The following KAZN variants were observed in gnomAD, a reference collection of about 807,000 sequenced individuals.
KAZN encodes kazrin.
In KAZN, 40 loss-of-function variants were observed where a neutral mutation model predicts 87.4. That is an observed-to-expected ratio of 0.46 (90% CI 0.36 to 0.60). The LOEUF (loss-of-function observed/expected upper bound fraction) is 0.60, where lower values mean the gene tolerates loss of function less well. Ranked by LOEUF, KAZN falls within the 20% of genes least tolerant of loss-of-function variation. The probability of loss-of-function intolerance (pLI) is 0.00; values close to 1 mark genes in which losing one functional copy is unlikely to be tolerated. For synonymous variants in KAZN, 466 were observed against 458.3 expected, an observed-to-expected ratio of 1.02 and a Z score of -0.22; for missense variants, 898 against 1,073.9, an observed-to-expected ratio of 0.84 and a Z score of 2.29.
intron 2 of KAZN, among the ~76,000 whole-genome samples, chr1:14,530,502 T>A (rs1425161493): frequency 1.3e-5 from 2 of 151,694 alleles, no homozygotes; most frequent in African/African-American, 4.8e-5. Context: ...TGGTGGGAGG[T>A]GTTTTGGTCA....
intron 1 of KAZN, among the ~76,000 whole-genome samples, chr1:14,096,653 G>A (rs1048393885): frequency 6.6e-6 from 1 of 152,188 alleles, no homozygotes; most frequent in Admixed American, 6.5e-5. Context: ...ACAACCCTCA[G>A]AATATAGGAG....
chr1:14,560,905 GAAGTTGGATGGTACCT>G (rs991117926), intron 2 of KAZN, among the ~76,000 whole-genome samples: 10 of 152,178 alleles, frequency 6.6e-5, no homozygotes, highest in African/African-American at 2.4e-4. Context: ...GCAAGAACAG[GAAGTTGGATGGTACCT>G]AAGGCAGTTC....
At chr1:14,171,062 G>A (rs2359953) in intron 1 of KAZN, among the ~76,000 whole-genome samples, 18,721 of 152,124 alleles carry the variant, frequency 0.12, 1,273 homozygotes, top group East Asian at 0.33. Context: ...TTTTGTGTCC[G>A]GTTTTCATTT....
At chr1:14,876,062 G>A (rs1652733103) in intron 1 of KAZN, among the ~76,000 whole-genome samples, 1 of 152,232 alleles carries the variant, frequency 6.6e-6, no homozygotes, top group South Asian at 2.1e-4. Flanking sequence ...ACTGAGGCAA[G>A]GAGGAAGAAG....
At chr1:15,018,504 C>T (rs1670349927) in intron 2 of KAZN, among the ~76,000 whole-genome samples, 1 of 151,172 alleles carries the variant, frequency 6.6e-6, no homozygotes, top group African/African-American at 2.4e-5. Context: ...CTGTCTGCAG[C>T]CGTCATGGGG....
chr1:14,671,351 G>A (rs1446738669), intron 1 of KAZN, among the ~76,000 whole-genome samples: 2 of 152,248 alleles, frequency 1.3e-5, no homozygotes, highest in East Asian at 1.9e-4. Context: ...CATAGTAGGT[G>A]CTCAGTAAAT....
intron 1 of KAZN, among the ~76,000 whole-genome samples, chr1:14,662,734 G>C (rs1012171297): frequency 6.6e-6 from 1 of 151,358 alleles, no homozygotes; most frequent in African/African-American, 2.4e-5. Flanking sequence ...AGTGTGTGTT[G>C]GGGAAGGGAG....
chr1:13,953,517 C>T (rs570136667), intron 1 of KAZN, among the ~76,000 whole-genome samples: 1 of 152,314 alleles, frequency 6.6e-6, no homozygotes, highest in South Asian at 2.1e-4. Context: ...ATTTCTCCCA[C>T]CAGCCCTTTT....
At chr1:14,517,869 A>T (rs531364571) in intron 2 of KAZN, among the ~76,000 whole-genome samples, 1 of 152,334 alleles carries the variant, frequency 6.6e-6, no homozygotes, top group African/African-American at 2.4e-5. Context: ...CCATAAAACA[A>T]AGCAGAAGAA....
At chr1:14,136,655 C>T (rs1042558881) in intron 1 of KAZN, among the ~76,000 whole-genome samples, 7 of 151,914 alleles carry the variant, frequency 4.6e-5, no homozygotes, top group Non-Finnish European at 8.8e-5. Flanking sequence ...AGATAACTAA[C>T]CCAGGAGGGA....
intron 1 of KAZN, among the ~76,000 whole-genome samples, chr1:14,774,258 G>A (rs1009874696): frequency 3.9e-5 from 6 of 152,056 alleles, no homozygotes; most frequent in Non-Finnish European, 8.8e-5. Context: ...TGGCAGGGTC[G>A]CCTCTGTGGG....
chr1:14,609,940 A>G (rs1484948552), intron 1 of KAZN, among the ~76,000 whole-genome samples: 1 of 152,230 alleles, frequency 6.6e-6, no homozygotes, highest in Non-Finnish European at 1.5e-5. Flanking sequence ...GAACTGCCCC[A>G]TAGCTCATGG....
chr1:15,094,875 C>G lies in KAZN; in HGVS notation c.1489C>G (p.His497Asp). 1 of 1,550,684 alleles carries G rather than the reference C, an allele frequency of 6.4e-7. No homozygotes were observed. The highest frequency in any genetic ancestry group is 8.7e-7 in the Non-Finnish European group (1 of 1,146,818). The change falls in exon 10 of 15, where the codon CAC becomes GAC. Residue 497 changes from histidine (H) to aspartate (D), a missense_variant. This residue lies in a region of KAZN where 521 missense variants were observed against 689.4 expected (regional missense o/e 0.76). Coordinates refer to ENST00000376030, the MANE Select transcript of KAZN (RefSeq NM_201628.3). The surrounding 1 kb of genome is among the most constrained non-coding windows in gnomAD (Gnocchi z 4.5). The part of the protein sequence containing the change: ...QLGLGVCSSL[H>D]RRKLRLAIED... ...GGGCCTTGGGGTGTGCAGCTCCCTGCACCGGCGCAAGCTGCGCCTGGCCAT... is the reference window on the plus strand; with the variant it reads ...GGGCCTTGGGGTGTGCAGCTCCCTGGACCGGCGCAAGCTGCGCCTGGCCAT...
intron 1 of KAZN, among the ~76,000 whole-genome samples, chr1:13,929,747 A>G (rs540901563): frequency 3.3e-5 from 5 of 152,198 alleles, no homozygotes; most frequent in Non-Finnish European, 7.4e-5. Flanking sequence ...TTTTCTGGGA[A>G]AAGATCCAAT....
chr1:14,537,181 G>C lies in KAZN; in HGVS notation c.250-61802G>C, dbSNP rs184502962. Among the ~76,000 whole-genome samples the C allele has an allele frequency of 2.4e-3, 372 of 152,288 alleles. 1 individual carries two copies. Among genetic ancestry groups the C allele is most frequent in the African/African-American group, 7.4e-3 (307 of 41,560 alleles). On this transcript the variant is annotated intron_variant, in intron 2 of 16. Transcript: ENST00000636203. ...ACCGTCCACAGAGCCTGAATTTTGA[G>C]ACAGTTCCTAAATCAAGATGTTTCC... is the stretch of plus-strand genomic sequence containing the variant.
chr1:15,065,647 A>C lies in KAZN; in HGVS notation c.1116A>C (p.Glu372Asp). ...CTCCTCAGTCACTAGAGGATCTTGA[A>C]GACCAAAAACGGAAAAAGAAGAAAG... is the stretch of plus-strand genomic sequence containing the variant. ...NPIVQSLEDL[E>D]DQKRKKKKEK... The change falls in exon 8 of 15, where the codon GAA becomes GAC. Residue 372 changes from glutamate (E) to aspartate (D), a missense_variant. By Grantham distance (45) the Glu-to-Asp change is conservative (BLOSUM62 2). This residue lies in a region of KAZN where 521 missense variants were observed against 689.4 expected (regional missense o/e 0.76). Transcript: ENST00000376030. The C allele has an allele frequency of 6.2e-7, 1 of 1,613,578 alleles. No individual in the cohort carries two copies. Among genetic ancestry groups the C allele is most frequent in the Non-Finnish European group, 8.5e-7 (1 of 1,179,674 alleles).
chr1:14,628,138 G>A (rs911953138), intron 1 of KAZN, among the ~76,000 whole-genome samples: 2 of 152,192 alleles, frequency 1.3e-5, no homozygotes, highest in Non-Finnish European at 2.9e-5. Flanking sequence ...GCTACAGACC[G>A]GGTACAGATT....
At chr1:14,374,049 G>A (rs1240140536) in intron 2 of KAZN, among the ~76,000 whole-genome samples, 1 of 152,178 alleles carries the variant, frequency 6.6e-6, no homozygotes, top group East Asian at 1.9e-4. Flanking sequence ...ATGTCCATCA[G>A]TAGTTGGAGG....
intron 2 of KAZN, chr1:14,222,136 C>T (rs565432260): frequency 7.2e-5 from 11 of 152,108 alleles, no homozygotes; most frequent in South Asian, 2.1e-4. Flanking sequence ...TAATTTGCTC[C>T]GGATTCTTTG....
Sources: allele counts gnomAD v4.1 joint callset (sites outside exome capture counted in the v4.1 genomes callset), GRCh38; gene constraint gnomAD v4.1.1; regional missense constraint gnomAD v4.1.1; non-coding constraint Gnocchi (gnomAD v3.1); transcripts MANE v1.5; gene names NCBI Gene and HGNC (gene_info 2026-07-23, HGNC 2026-07-21).